Variants in EFCAB3 observed in about 807,000 individuals in gnomAD.
The protein encoded by EFCAB3 is EF-hand calcium-binding domain-containing protein 3.
A neutral mutation model predicts 42.2 loss-of-function variants in EFCAB3; 36 were observed. That is an observed-to-expected ratio of 0.85 (90% confidence interval 0.65 to 1.13). The LOEUF is 1.13. Ranked by LOEUF, EFCAB3 falls within the 50% of genes most tolerant of loss-of-function variation. The pLI is 0.00. For missense variants in EFCAB3, 418 were observed against 505.1 expected (o/e 0.83, Z 1.65); for synonymous variants, 170 against 172.8 (o/e 0.98, Z 0.13).
chr17:62,371,221 A>G (rs1567718045), intron 1 of EFCAB3, among the ~76,000 whole-genome samples: 2 of 152,064 alleles, frequency 1.3e-5, no homozygotes, highest in Non-Finnish European at 2.9e-5. Context: ...TTTGCCTATC[A>G]AAGACCTAAA....
At chr17:62,393,340 C>T (rs565063507) in intron 4 of EFCAB3, among the ~76,000 whole-genome samples, 3 of 152,112 alleles carry the variant, frequency 2.0e-5, no homozygotes, top group African/African-American at 4.8e-5. Context: ...TGGCTGGGTG[C>T]TCCTGGCTGG....
At chr17:62,382,375 A>G (rs1598006763) in intron 1 of EFCAB3, among the ~76,000 whole-genome samples, 1 of 151,918 alleles carries the variant, frequency 6.6e-6, no homozygotes, top group East Asian at 1.9e-4. Flanking sequence ...AACAATCACC[A>G]CAATCAATCT....
chr17:62,377,609 A>G (rs2070161168), upstream of EFCAB3, among the ~76,000 whole-genome samples: 1 of 152,214 alleles, frequency 6.6e-6, no homozygotes, highest in African/African-American at 2.4e-5. Flanking sequence ...AAGGTATCTA[A>G]TTAGTCAATA....
At chr17:62,394,928 C>T in intron 5 of EFCAB3, 140 bp from the exon 6 acceptor site, 2 of 1,137,804 alleles carry the variant, frequency 1.8e-6, no homozygotes, top group Non-Finnish European at 2.4e-6. Context: ...GCCTTTCTAC[C>T]AAATAGAACA....
At chr17:62,380,677 G>T (rs2070188491) in intron 1 of EFCAB3, 64 bp downstream of exon 1, 1 of 807,944 alleles carries the variant, frequency 1.2e-6, no homozygotes, top group Non-Finnish European at 1.5e-6. Flanking sequence ...TTATCTATGA[G>T]AATTGAAGGT....
At position 62,406,637 on chromosome 17, in the gene EFCAB3, G is replaced by GA; in HGVS notation, c.650dup (p.Asp218GlyfsTer4). 1 of 1,613,998 alleles carries GA rather than the reference G, an allele frequency of 6.2e-7. No individual in the cohort carries two copies. The highest frequency in any genetic ancestry group is 8.5e-7 in the Non-Finnish European group (1 of 1,179,986). On this transcript the variant is annotated frameshift_variant, in exon 7 of 10. Coordinates refer to ENST00000305286, the MANE Select transcript of EFCAB3 (RefSeq NM_173503.4). LOFTEE classifies it high-confidence loss of function. ...TGCTGCCCGGATTGCAATAATGAAAGAAAAGGATTTATTTAAATTTCTTGA... is the reference window on the plus strand; with the variant it reads ...TGCTGCCCGGATTGCAATAATGAAAGAAAAAGGATTTATTTAAATTTCTTGA...
At chr17:62,379,475 A>C (rs1598004870), upstream of EFCAB3, among the ~76,000 whole-genome samples, 1 of 152,204 alleles carries the variant, frequency 6.6e-6, no homozygotes, top group East Asian at 1.9e-4. Flanking sequence ...GCTCTTAGTA[A>C]ATAATTGTTG....
intron 6 of EFCAB3, among the ~76,000 whole-genome samples, chr17:62,400,665 T>C (rs2070393014): frequency 6.6e-6 from 1 of 152,166 alleles, no homozygotes; most frequent in Non-Finnish European, 1.5e-5. Flanking sequence ...TCTTTGCTAT[T>C]GTGAATAGTG....
intron 2 of EFCAB3, among the ~76,000 whole-genome samples, chr17:62,385,301 G>A (rs2070239323): frequency 6.6e-6 from 1 of 152,010 alleles, no homozygotes; most frequent in African/African-American, 2.4e-5. Flanking sequence ...AAATTAGCTG[G>A]GTATGGTGGC....
At chr17:62,414,680 G>C (rs1274066122) in intron 9 of EFCAB3, among the ~76,000 whole-genome samples, 2 of 152,010 alleles carry the variant, frequency 1.3e-5, no homozygotes, top group African/African-American at 2.4e-5. Context: ...AGAGTATATT[G>C]CATGTGTCTC....
chr17:62,403,691 G>A (rs1404526234), intron 6 of EFCAB3, among the ~76,000 whole-genome samples: 1 of 152,156 alleles, frequency 6.6e-6, no homozygotes, highest in Non-Finnish European at 1.5e-5. Context: ...CCAGGCTAGA[G>A]TGCTGGAGTG....
At chr17:62,377,904 T>C, upstream of EFCAB3, 3 of 1,316,858 alleles carry the variant, frequency 2.3e-6, no homozygotes, top group South Asian at 4.0e-5. Context: ...AATTATGCCC[T>C]CCTAGTCTAC....
chr17:62,378,167 C>A, upstream of EFCAB3: 1 of 636,736 alleles, frequency 1.6e-6, no homozygotes, highest in Non-Finnish European at 2.6e-6. Flanking sequence ...ACACCGTTAT[C>A]TCTCCAACTT....
chr17:62,389,068 G>C (rs935665321), intron 3 of EFCAB3, among the ~76,000 whole-genome samples: 14 of 152,234 alleles, frequency 9.2e-5, no homozygotes, highest in African/African-American at 2.9e-4. Context: ...ACCAGGGTCA[G>C]TCAGGAAGTG....
chr17:62,386,624 A>G (rs2070253957), intron 2 of EFCAB3, among the ~76,000 whole-genome samples: 1 of 152,254 alleles, frequency 6.6e-6, no homozygotes, highest in Non-Finnish European at 1.5e-5. Context: ...TTCTAACAAC[A>G]GGAATAGTGT....
At chr17:62,406,778 C>A in intron 7 of EFCAB3, 105 bp downstream of exon 7, 1 of 1,256,060 alleles carries the variant, frequency 8.0e-7, no homozygotes, top group Non-Finnish European at 1.1e-6. Flanking sequence ...AGGACTGCAG[C>A]CTATTCTGAG....
chr17:62,391,966 G>C lies in EFCAB3; in HGVS notation c.295+1G>C, dbSNP rs373121156. On this transcript the variant is annotated splice_donor_variant, in intron 4 of 9. Transcript: ENST00000305286. LOFTEE classifies it high-confidence loss of function. ...GAATTGAAATGTGCTGATATTGATCGTGAGTCCTTTGGCTTCTCATTGTTT... is the reference window on the plus strand; with the variant it reads ...GAATTGAAATGTGCTGATATTGATCCTGAGTCCTTTGGCTTCTCATTGTTT... The C allele has an allele frequency of 1.9e-6, 3 of 1,595,420 alleles. No homozygotes were observed. In the Admixed American group the frequency reaches 5.1e-5, roughly 27 times the overall value.
intron 9 of EFCAB3, among the ~76,000 whole-genome samples, chr17:62,414,610 TG>T (rs2070528868): frequency 6.6e-6 from 1 of 152,050 alleles, no homozygotes; most frequent in East Asian, 1.9e-4. Flanking sequence ...TGTGTGTGTG[TG>T]TTTAAATAAG....
At chr17:62,393,665 C>CAGA in intron 5 of EFCAB3, 21 bp downstream of exon 5, 2 of 1,607,248 alleles carry the variant, frequency 1.2e-6, no homozygotes, top group Non-Finnish European at 1.7e-6. Flanking sequence ...ATGTTATGAA[C>CAGA]AGAAGGCAGT....
Sources: gnomAD v4.1 joint callset for allele counts (sites outside exome capture counted in the v4.1 genomes callset) on GRCh38, gnomAD v4.1.1 for gene constraint, MANE v1.5 for transcripts, NCBI Gene and HGNC (gene_info 2026-07-23, HGNC 2026-07-21) for gene names.